NTM: variants seen among roughly 807,000 people sequenced by gnomAD.
NTM encodes neurotrimin.
NTM carries 13 observed loss-of-function variants against 42.1 expected under a neutral mutation model. The ratio of observed to expected loss-of-function variants is 0.31; its 90% CI spans 0.20 to 0.49. The LOEUF (loss-of-function observed/expected upper bound fraction) is 0.49. Ranked by LOEUF, NTM falls within the 20% of genes least tolerant of loss-of-function variation. The pLI is 0.99. For synonymous variants in NTM, 187 were observed against 179.2 expected (o/e 1.04, Z -0.35); for missense variants, 373 against 452.8 (o/e 0.82, Z 1.60).
chr11:132,213,601 A>G lies in NTM; in HGVS notation c.526+1454A>G, dbSNP rs1592263492. 3.3e-5 allele frequency among the ~76,000 whole-genome samples: 5 copies of G among 152,276 alleles called. No homozygotes were observed. In the South Asian group the frequency reaches 1.0e-3, roughly 32 times the overall value. ...CAACATTTTAATAAATCAGAGTAAG[A>G]CTATGAAGGGGCCCCAAGTACCAAA... is the stretch of plus-strand genomic sequence containing the variant. On this transcript the variant is annotated intron_variant, in intron 4 of 8. Coordinates refer to ENST00000683400, the MANE Select transcript of NTM (RefSeq NM_001352005.2).
In NTM at chr11:131,611,116, G is replaced by C. The variant is rs111959806; in HGVS notation, c.82+240228G>C. 8.6e-4 allele frequency among the ~76,000 whole-genome samples: 131 copies of C among 152,266 alleles called. 2 individuals are homozygous for C. Among genetic ancestry groups the C allele is most frequent in the African/African-American group, 3.1e-3 (129 of 41,550 alleles). On this transcript the variant is annotated intron_variant, in intron 1 of 8. Coordinates refer to ENST00000683400, the MANE Select transcript of NTM (RefSeq NM_001352005.2). ...CAACATCCATCTCTGAGTGTAGGAA[G>C]AGGCATCGGGGACCAAGGAAGCTGA...
At chr11:131,623,044 C>T (rs751965103) in intron 1 of NTM, among the ~76,000 whole-genome samples, 19 of 152,352 alleles carry the variant, frequency 1.2e-4, no homozygotes, top group Non-Finnish European at 2.6e-4. Flanking sequence ...CAGAAACTCA[C>T]CTGCTTAGGA....
chr11:131,478,184 A>G (rs954271813), intron 1 of NTM, among the ~76,000 whole-genome samples: 18 of 152,070 alleles, frequency 1.2e-4, no homozygotes, highest in African/African-American at 2.4e-5. Flanking sequence ...GTGGCACCTA[A>G]CTTTTCAGCC....
intron 1 of NTM, among the ~76,000 whole-genome samples, chr11:131,697,551 T>C (rs1049293467): frequency 4.6e-5 from 7 of 152,248 alleles, no homozygotes; most frequent in Non-Finnish European, 1.0e-4. Flanking sequence ...TCCCCATTTC[T>C]GTATTTCTGG....
At chr11:131,628,845 G>A (rs1393756377) in intron 1 of NTM, among the ~76,000 whole-genome samples, 1 of 152,234 alleles carries the variant, frequency 6.6e-6, no homozygotes, top group Non-Finnish European at 1.5e-5. Context: ...CTGCAGCTCT[G>A]GGGCAGAGGC....
chr11:131,954,451 CA>C (rs2061355091), intron 2 of NTM, among the ~76,000 whole-genome samples: 1 of 152,148 alleles, frequency 6.6e-6, no homozygotes, highest in African/African-American at 2.4e-5. Flanking sequence ...TTTTCTAATG[CA>C]CTTCACTGGG....
intron 4 of NTM, among the ~76,000 whole-genome samples, chr11:132,238,633 C>T (rs1331143315): frequency 6.6e-6 from 1 of 152,154 alleles, no homozygotes; most frequent in Non-Finnish European, 1.5e-5. Flanking sequence ...GAGCTCATAG[C>T]AGCCTGCGTG....
intron 1 of NTM, among the ~76,000 whole-genome samples, chr11:131,611,998 GA>G (rs1189733886): frequency 6.6e-6 from 1 of 152,146 alleles, no homozygotes; most frequent in Non-Finnish European, 1.5e-5. Flanking sequence ...GTGAATAATA[GA>G]AAATGGCAGA....
At position 132,069,132 on chromosome 11, in the gene NTM, C is replaced by T. The variant is rs1419368132; in HGVS notation, c.168-77150C>T. ...ATCACAGGTTAGTTTACACGTCACA[C>T]AGCCAAAACACGTCAAACTGACCAT... On this transcript the variant is annotated intron_variant, in intron 2 of 8. Coordinates refer to ENST00000683400, the MANE Select transcript of NTM (RefSeq NM_001352005.2). 1.0e-3 allele frequency among the ~76,000 whole-genome samples: 157 copies of T among 151,756 alleles called. 2 individuals carry two copies. The highest frequency in any genetic ancestry group is 1.2e-3 in the Non-Finnish European group (79 of 67,800).
intron 1 of NTM, among the ~76,000 whole-genome samples, chr11:131,836,798 TTGAA>T (rs2043553370): frequency 1.3e-5 from 2 of 152,238 alleles, no homozygotes; most frequent in South Asian, 2.1e-4. Context: ...AGGCAGTTGT[TTGAA>T]TGAATCCTTA....
intron 1 of NTM, among the ~76,000 whole-genome samples, chr11:131,715,344 G>A (rs1388699923): frequency 6.6e-6 from 1 of 152,226 alleles, no homozygotes; most frequent in African/African-American, 2.4e-5. Flanking sequence ...TCAATTTGCA[G>A]AGGTTGGTGA....
intron 1 of NTM, among the ~76,000 whole-genome samples, chr11:131,577,351 C>T (rs914391031): frequency 3.3e-5 from 5 of 151,858 alleles, no homozygotes; most frequent in African/African-American, 7.3e-5. Context: ...CTTACTTAGT[C>T]GCTCTGTCCT....
At chr11:131,381,268 G>C (rs375366488) in intron 1 of NTM, among the ~76,000 whole-genome samples, 1 of 152,158 alleles carries the variant, frequency 6.6e-6, no homozygotes. Flanking sequence ...GTGTTTTTTA[G>C]CTGTTTCTCC....
chr11:131,921,338 A>C (rs1270339358), intron 2 of NTM, among the ~76,000 whole-genome samples: 4 of 152,224 alleles, frequency 2.6e-5, no homozygotes, highest in Non-Finnish European at 5.9e-5. Context: ...GAGTGACAAC[A>C]AAGGCAGAGG....
intron 5 of NTM, among the ~76,000 whole-genome samples, chr11:132,308,673 T>A (rs2095180060): frequency 6.6e-6 from 1 of 151,996 alleles, no homozygotes; most frequent in African/African-American, 2.4e-5. Context: ...AGAAGGATAC[T>A]GTATCTAGGA....
At chr11:131,498,411 C>A (rs1955579777) in intron 1 of NTM, among the ~76,000 whole-genome samples, 1 of 152,186 alleles carries the variant, frequency 6.6e-6, no homozygotes, top group African/African-American at 2.4e-5. Flanking sequence ...TGAAATCATA[C>A]TTTTTTGTAC....
intron 1 of NTM, among the ~76,000 whole-genome samples, chr11:131,792,744 A>G (rs1228134599): frequency 6.6e-6 from 1 of 152,120 alleles, no homozygotes; most frequent in Non-Finnish European, 1.5e-5. Context: ...TGATCTTTGA[A>G]TTGGTATTGC....
intron 7 of NTM, among the ~76,000 whole-genome samples, chr11:132,319,646 C>A (rs1253245853): frequency 6.6e-6 from 1 of 152,238 alleles, no homozygotes; most frequent in African/African-American, 2.4e-5. Flanking sequence ...GTGGAGCCCA[C>A]CACAGCTCCA....
intron 1 of NTM, among the ~76,000 whole-genome samples, chr11:131,836,679 A>T (rs182246759): frequency 1.4e-4 from 21 of 152,272 alleles, no homozygotes; most frequent in African/African-American, 4.6e-4. Context: ...TTACCCAATA[A>T]GGGATGCTTT....
Sources: allele counts gnomAD v4.1 joint callset (sites outside exome capture counted in the v4.1 genomes callset), GRCh38; gene constraint gnomAD v4.1.1; transcripts MANE v1.5; gene names NCBI Gene and HGNC (gene_info 2026-07-23, HGNC 2026-07-21).